ERICH6B: variants seen among roughly 807,000 people sequenced by gnomAD.
The protein encoded by ERICH6B is glutamate-rich protein 6B.
ERICH6B carries 69 observed loss-of-function variants against 80.0 expected under a neutral mutation model. The ratio of observed to expected loss-of-function variants is 0.86; its 90% confidence interval spans 0.71 to 1.05. The LOEUF (loss-of-function observed/expected upper bound fraction) is 1.05, where lower values mean the gene tolerates loss of function less well. Ranked by LOEUF, ERICH6B falls within the 50% of genes least tolerant of loss-of-function variation. The pLI is 0.00. For missense variants in ERICH6B, 754 were observed against 796.1 expected (o/e 0.95, Z 0.64); for synonymous variants, 283 against 291.9 (o/e 0.97, Z 0.31).
At chr13:45,559,684 T>G (rs1874586189) in intron 11 of ERICH6B, among the ~76,000 whole-genome samples, 1 of 152,218 alleles carries the variant, frequency 6.6e-6, no homozygotes, top group Non-Finnish European at 1.5e-5. Flanking sequence ...TTATTTAATT[T>G]CCATATATTT....
Position 45,561,436 on chromosome 13 carries a change from G to A in ERICH6B, c.1340C>T (p.Pro447Leu), listed in dbSNP as rs936105820. Residue 447 changes from proline (P) to leucine (L), a missense_variant, in exon 11 of 15, where the codon CCT becomes CTT. By Grantham distance (98) the Pro-to-Leu change is moderately conservative. Transcript: ENST00000298738. ...CTTCCTATGATGAACAACACGTTGA[G>A]GCTTTTGGATTTCTTCTGTCTCAGG... ...EKPETEEIQK[P>L]QRVVHHRKKL... The A allele has an allele frequency of 1.9e-6, 3 of 1,552,124 alleles. No homozygotes were observed. Among genetic ancestry groups the A allele is most frequent in the Admixed American group, 2.0e-5 (1 of 50,990 alleles).
At chr13:45,612,867 T>G (rs1925755) in intron 1 of ERICH6B, among the ~76,000 whole-genome samples, 40,874 of 152,010 alleles carry the variant, frequency 0.27, 6,260 homozygotes, top group African/African-American at 0.43. Flanking sequence ...TGGGAAGGCT[T>G]GTAAGACCAG....
intron 5 of ERICH6B, among the ~76,000 whole-genome samples, chr13:45,582,264 G>C (rs1257217495): frequency 6.6e-6 from 1 of 152,214 alleles, no homozygotes; most frequent in South Asian, 2.1e-4. Flanking sequence ...GCACTCCAAT[G>C]CAGGGCACAG....
chr13:45,568,542 G>T, intron 8 of ERICH6B, 91 bp from the exon 9 acceptor site: 1 of 1,222,518 alleles, frequency 8.2e-7, no homozygotes, highest in South Asian at 1.7e-5. Context: ...GGTACTGTGT[G>T]ACACTTCAAC....
chr13:45,548,244 CT>C (rs1379770184), intron 13 of ERICH6B, among the ~76,000 whole-genome samples: 2 of 152,202 alleles, frequency 1.3e-5, no homozygotes, highest in East Asian at 3.9e-4. Flanking sequence ...CTTGAAATGG[CT>C]TGGCTATAAG....
intron 7 of ERICH6B, among the ~76,000 whole-genome samples, chr13:45,577,043 T>A (rs1875434801): frequency 6.6e-6 from 1 of 152,004 alleles, no homozygotes; most frequent in African/African-American, 2.4e-5. Flanking sequence ...GGGAAGGGCC[T>A]GGGGGGAGTA....
At chr13:45,577,147 A>G (rs1437258090) in intron 7 of ERICH6B, among the ~76,000 whole-genome samples, 1 of 152,042 alleles carries the variant, frequency 6.6e-6, no homozygotes, top group African/African-American at 2.4e-5. Flanking sequence ...CCAGCTCCTT[A>G]TCTGTGCAAT....
At chr13:45,561,081 G>A (rs540250660) in intron 11 of ERICH6B, among the ~76,000 whole-genome samples, 5 of 152,204 alleles carry the variant, frequency 3.3e-5, no homozygotes, top group African/African-American at 1.2e-4. Context: ...GCATGCCGCA[G>A]TGTCTGGCTG....
chr13:45,573,686 C>T (rs542833400), intron 8 of ERICH6B, among the ~76,000 whole-genome samples: 1 of 152,318 alleles, frequency 6.6e-6, no homozygotes, highest in South Asian at 2.1e-4. Context: ...CCAAGGAAAA[C>T]TCTGGAATGC....
intron 2 of ERICH6B, among the ~76,000 whole-genome samples, chr13:45,605,945 T>A (rs1464179337): frequency 6.6e-6 from 1 of 152,240 alleles, no homozygotes; most frequent in Non-Finnish European, 1.5e-5. Flanking sequence ...GGCAGTGAGC[T>A]GGTCTGAGGC....
intron 1 of ERICH6B, among the ~76,000 whole-genome samples, chr13:45,613,469 G>A (rs550446543): frequency 2.0e-5 from 3 of 152,122 alleles, no homozygotes; most frequent in African/African-American, 7.2e-5. Flanking sequence ...GCACTCAGCC[G>A]ATGGTCACGG....
intron 12 of ERICH6B, 66 bp from the exon 13 acceptor site, chr13:45,550,111 G>A: frequency 6.5e-7 from 1 of 1,540,022 alleles, no homozygotes; most frequent in Admixed American, 2.0e-5. Flanking sequence ...GGGCCCTGCA[G>A]ATGATGCAGG....
At chr13:45,563,944 A>G (rs1409197665) in intron 9 of ERICH6B, among the ~76,000 whole-genome samples, 156 bp from the exon 10 acceptor site, 4 of 152,150 alleles carry the variant, frequency 2.6e-5, no homozygotes, top group Non-Finnish European at 5.9e-5. Context: ...TCTTCGAGTC[A>G]ATGCCCAGGA....
At chr13:45,604,405 C>T (rs1949845313) in intron 2 of ERICH6B, among the ~76,000 whole-genome samples, 2 of 152,204 alleles carry the variant, frequency 1.3e-5, no homozygotes, top group African/African-American at 4.8e-5. Flanking sequence ...CTCATGCTGC[C>T]CATCTCCATC....
At chr13:45,563,571 T>C in intron 10 of ERICH6B, 156 bp downstream of exon 10, 1 of 712,994 alleles carries the variant, frequency 1.4e-6, no homozygotes, top group Non-Finnish European at 2.5e-6. Flanking sequence ...TGCTCGGTAT[T>C]TCATCCCTGG....
chr13:45,602,511 G>A (rs1031665742), intron 2 of ERICH6B, among the ~76,000 whole-genome samples: 1 of 152,142 alleles, frequency 6.6e-6, no homozygotes, highest in Admixed American at 6.5e-5. Flanking sequence ...TCCTGGGGGA[G>A]CCAGGATGAA....
intron 2 of ERICH6B, among the ~76,000 whole-genome samples, chr13:45,600,924 T>G (rs755327461): frequency 2.0e-5 from 3 of 152,192 alleles, no homozygotes; most frequent in Non-Finnish European, 2.9e-5. Flanking sequence ...AGAAGCCTGC[T>G]AAGTCAATTT....
Position 45,611,891 on chromosome 13 carries a change from TA to T in ERICH6B, c.-111+3793del, listed in dbSNP as rs542122946. 1.4e-3 allele frequency among the ~76,000 whole-genome samples: 208 copies of T among 152,356 alleles called. 1 individual carries two copies. The highest frequency in any genetic ancestry group is 4.7e-3 in the African/African-American group (196 of 41,590). On this transcript the variant is annotated intron_variant, in intron 1 of 14. Coordinates refer to ENST00000298738, the MANE Select transcript of ERICH6B (RefSeq NM_182542.3). ...ATCGAATGGCACACACTTCTGCTGCTAAATCTTCTCTTGGGTTTCCAGCAAG... is the reference window on the plus strand; with the variant it reads ...ATCGAATGGCACACACTTCTGCTGCTAATCTTCTCTTGGGTTTCCAGCAAG...
rs1874423045 is a variant in ERICH6B, at chr13:45,556,055, G to A, written c.1407+5314C>T. On this transcript the variant is annotated intron_variant, in intron 11 of 14. Transcript: ENST00000298738. ...GCTCAAATGGTACTTGTCCCAAATG[G>A]CCTTCCCTGATTACTCTATAGGCAT... is the stretch of plus-strand genomic sequence containing the variant. Among the ~76,000 whole-genome samples, 3 of 150,502 alleles carry A rather than the reference G, an allele frequency of 2.0e-5. No individual in the cohort carries two copies. The South Asian group carries it at 6.4e-4, about 32-fold the overall frequency.
Sources: allele counts gnomAD v4.1 joint callset (sites outside exome capture counted in the v4.1 genomes callset), GRCh38; gene constraint gnomAD v4.1.1; transcripts MANE v1.5; gene names NCBI Gene and HGNC (gene_info 2026-07-23, HGNC 2026-07-21).